KNG1: variants seen among roughly 807,000 people sequenced by gnomAD.
The protein encoded by KNG1 is kininogen-1.
In KNG1, 23 loss-of-function variants were observed where a neutral mutation model predicts 47.8. That is an observed-to-expected ratio of 0.48 (90% confidence interval 0.35 to 0.68). The LOEUF is 0.68. KNG1 is among the 30% of genes least tolerant of loss of function. The probability of loss-of-function intolerance (pLI) is 0.01; values close to 1 mark genes in which losing one functional copy is unlikely to be tolerated. For synonymous variants in KNG1, 277 were observed against 277.0 expected, an observed-to-expected ratio of 1.00 and a Z score of 0.00; for missense variants, 762 against 790.2, an observed-to-expected ratio of 0.96 and a Z score of 0.43.
chr3:186,723,647 ATTTC>A (rs970661364), intron 3 of KNG1, among the ~76,000 whole-genome samples: 1 of 151,112 alleles, frequency 6.6e-6, no homozygotes, highest in African/African-American at 2.4e-5. Context: ...ATATACCACA[ATTTC>A]TTTCTTTTTT....
intron 3 of KNG1, among the ~76,000 whole-genome samples, chr3:186,723,917 G>A (rs1720277341): frequency 3.3e-5 from 5 of 152,200 alleles, no homozygotes; most frequent in Admixed American, 3.3e-4. Flanking sequence ...GCCTCCCAAA[G>A]TGCTGGGATT....
At chr3:186,721,759 A>G (rs977143015) in intron 2 of KNG1, 1 of 152,660 alleles carries the variant, frequency 6.6e-6, no homozygotes, top group African/African-American at 2.4e-5. Flanking sequence ...TGAGTGGTAG[A>G]TAAGAGGAGT....
intron 2 of KNG1, chr3:186,720,506 G>T (rs916034966): frequency 2.7e-6 from 1 of 367,390 alleles, no homozygotes; most frequent in South Asian, 2.9e-5. Flanking sequence ...TGACATTTGG[G>T]CCAAGCCAAA....
rs762075970 is a variant in KNG1, at chr3:186,742,019, G to C, written c.1623G>C (p.Lys541Asn). ...CACCTTCTGCACAGACACAAGAGAA[G>C]ACAGAAGGGCCAACACCCATCCCTT... The part of the protein sequence containing the change: ...STTPSAQTQE[K>N]TEGPTPIPSL... Residue 541 changes from lysine to asparagine, a missense_variant, in exon 10 of 10, where the codon AAG becomes AAC. Physicochemically the swap from Lys to Asn is moderately conservative, Grantham distance 94. Transcript: ENST00000644859. 6.2e-7 allele frequency: 1 copy of C among 1,614,188 alleles called. No homozygotes were observed. Among genetic ancestry groups the C allele is most frequent in the Non-Finnish European group, 8.5e-7 (1 of 1,180,028 alleles).
chr3:186,730,078 A>G (rs1720472469), intron 5 of KNG1, among the ~76,000 whole-genome samples: 1 of 151,932 alleles, frequency 6.6e-6, no homozygotes, highest in Admixed American at 6.6e-5. Flanking sequence ...TAAATTATGA[A>G]ATCATGTCGA....
chr3:186,736,911 TGTG>T (rs1720683959), intron 7 of KNG1: 1 of 152,082 alleles, frequency 6.6e-6, no homozygotes, highest in Non-Finnish European at 1.5e-5. Context: ...ATTAGCCAGG[TGTG>T]GTGACACTTG....
chr3:186,742,358 A>G lies in KNG1; in HGVS notation c.*27A>G. 1.2e-6 allele frequency: 2 copies of G among 1,612,098 alleles called. No individual in the cohort carries two copies. Among genetic ancestry groups the G allele is most frequent in the Non-Finnish European group, 1.7e-6 (2 of 1,179,912 alleles). On this transcript the variant is annotated 3_prime_UTR_variant, in exon 10 of 10. Coordinates refer to ENST00000644859, the MANE Select transcript of KNG1 (RefSeq NM_001102416.3). Reference sequence around the variant, plus strand: ...TTAAGTGGCTATGGGTATTTCTTTCATACTTTATTAAAGTATCAATATCCC... The same window carrying G: ...TTAAGTGGCTATGGGTATTTCTTTCGTACTTTATTAAAGTATCAATATCCC...
intron 7 of KNG1, among the ~76,000 whole-genome samples, chr3:186,737,270 G>A (rs906396985): frequency 5.3e-5 from 8 of 152,000 alleles, no homozygotes; most frequent in East Asian, 1.9e-4. Flanking sequence ...CTTAATGACC[G>A]TTTTAACTTC....
intron 2 of KNG1, 44 bp from the exon 3 acceptor site, chr3:186,722,393 C>A: frequency 1.4e-6 from 2 of 1,472,812 alleles, no homozygotes; most frequent in South Asian, 1.1e-5. Flanking sequence ...TAGACTTTCC[C>A]ATCTGAAAGA....
chr3:186,730,019 ATTTG>A (rs1232929483), intron 5 of KNG1, among the ~76,000 whole-genome samples: 9 of 138,540 alleles, frequency 6.5e-5, no homozygotes, highest in Non-Finnish European at 1.5e-5. Flanking sequence ...AGGTCTTTCT[ATTTG>A]TTTGTTCTAT....
chr3:186,720,900 C>T (rs1000801163), intron 2 of KNG1, among the ~76,000 whole-genome samples: 4 of 146,912 alleles, frequency 2.7e-5, no homozygotes, highest in Non-Finnish European at 5.9e-5. Flanking sequence ...CGCCATTGTC[C>T]TGCCTCAGCC....
At chr3:186,737,345 T>G (rs1720695802) in intron 7 of KNG1, among the ~76,000 whole-genome samples, 2 of 152,188 alleles carry the variant, frequency 1.3e-5, no homozygotes, top group African/African-American at 4.8e-5. Context: ...ATACAGACAT[T>G]GATTCTATAT....
Position 186,742,498 on chromosome 3 carries a change from C to T in KNG1, c.*167C>T, listed in dbSNP as rs978274236. ...CCAGTGGAGACACCATCAGTCTCCA[C>T]GGACTGCATAAAATTGTGTGCCACA... is the stretch of plus-strand genomic sequence containing the variant. On this transcript the variant is annotated 3_prime_UTR_variant, in exon 10 of 10. Transcript: ENST00000644859. 16 of 1,446,236 alleles carry T rather than the reference C, an allele frequency of 1.1e-5. No homozygotes were observed. The highest frequency in any genetic ancestry group is 5.0e-5 in the East Asian group (2 of 39,860). The allele number at this position is 1,446,236 out of a possible 1,614,324, so 89.6% of individuals were successfully genotyped here.
Position 186,725,543 on chromosome 3 carries a change from A to ATTTT in KNG1, c.564+299_564+302dup, listed in dbSNP as rs71167003. 4.9e-4 allele frequency among the ~76,000 whole-genome samples: 43 copies of ATTTT among 87,722 alleles called. 6 individuals carry two copies. The highest frequency in any genetic ancestry group is 1.4e-3 in the African/African-American group (31 of 21,498). The allele number at this position is 87,722 out of a possible 152,430, so 57.5% of individuals were successfully genotyped here. Reference sequence around the variant, plus strand: ...AAGGAAAAGTCATACCGGCCTTAGGATTTTTTTTTTTTTTTTTTTGAGACA... The same window carrying ATTTT: ...AAGGAAAAGTCATACCGGCCTTAGGATTTTTTTTTTTTTTTTTTTTTTTGAGACA... On this transcript the variant is annotated intron_variant, in intron 4 of 9. Coordinates refer to ENST00000644859, the MANE Select transcript of KNG1 (RefSeq NM_001102416.3).
chr3:186,743,113 A>G lies in KNG1; in HGVS notation c.*782A>G, dbSNP rs369403311. ...TTACTCATTAACTACTCTTTGCAACAGGCTTTCATATAGAAGTATTCTGTT... is the reference window on the plus strand; with the variant it reads ...TTACTCATTAACTACTCTTTGCAACGGGCTTTCATATAGAAGTATTCTGTT... On this transcript the variant is annotated 3_prime_UTR_variant, in exon 10 of 10. Coordinates refer to ENST00000644859, the MANE Select transcript of KNG1 (RefSeq NM_001102416.3). 1 of 186,104 alleles carries G rather than the reference A, an allele frequency of 5.4e-6. No homozygotes were observed. The highest frequency in any genetic ancestry group is 1.9e-4 in the East Asian group (1 of 5,358). The allele number at this position is 186,104 out of a possible 1,614,324, so 11.5% of individuals were successfully genotyped here.
rs1176441081 is a variant in KNG1 at position 186,727,344 on chromosome 3, T to A, written c.672T>A (p.Gly224=). 1 of 1,566,358 alleles carries A rather than the reference T, an allele frequency of 6.4e-7. No homozygotes were observed. The highest frequency in any genetic ancestry group is 1.1e-5 in the South Asian group (1 of 89,964). The change falls in exon 5 of 10, where the codon GGT becomes GGA. Residue 224 remains glycine, a splice_region_variant and synonymous_variant. Coordinates refer to ENST00000644859, the MANE Select transcript of KNG1 (RefSeq NM_001102416.3). The stretch of plus-strand genomic sequence containing the variant: ...CAGACTGCAAGTCCCTTTGGAATGG[T>A]GTAAGTAGGCAAAAATTTAATGATA... ...LTPDCKSLWN[G]DTGECTDNAY... is the part of the protein sequence containing the mutation.
chr3:186,720,784 CTTTTTTTT>C (rs1167537831), intron 2 of KNG1, among the ~76,000 whole-genome samples: 2 of 89,778 alleles, frequency 2.2e-5, no homozygotes, highest in South Asian at 9.6e-4. Context: ...TGTTGTTTTG[CTTTTTTTT>C]TTTTTTTTTT....
intron 3 of KNG1, among the ~76,000 whole-genome samples, chr3:186,723,672 T>C (rs1387641942): frequency 2.0e-5 from 3 of 152,200 alleles, no homozygotes; most frequent in African/African-American, 7.2e-5. Context: ...TTTTTCATTT[T>C]GAGACAGAGT....
chr3:186,733,646 C>T (rs554155719), intron 7 of KNG1, among the ~76,000 whole-genome samples: 2 of 152,244 alleles, frequency 1.3e-5, no homozygotes, highest in East Asian at 1.9e-4. Flanking sequence ...TTTGTGGCCC[C>T]GTCTGTAAAA....
Sources: allele counts gnomAD v4.1 joint callset (sites outside exome capture counted in the v4.1 genomes callset), GRCh38; gene constraint gnomAD v4.1.1; transcripts MANE v1.5; gene names NCBI Gene and HGNC (gene_info 2026-07-23, HGNC 2026-07-21).